RPA3: variants seen among roughly 807,000 people sequenced by gnomAD.
RPA3 encodes the protein replication protein A3, also known as replication protein A 14 kDa subunit.
RPA3 carries 24 observed loss-of-function variants against 13.7 expected under a neutral mutation model. The ratio of observed to expected loss-of-function variants is 1.75; its 90% CI spans 1.27 to 2.46. RPA3 has a LOEUF of 2.46. RPA3 is among the 30% of genes most tolerant of loss of function. The pLI is 0.00. For synonymous variants in RPA3, 59 were observed against 51.2 expected, an observed-to-expected ratio of 1.15 and a Z score of -0.65; for missense variants, 183 against 151.0, an observed-to-expected ratio of 1.21 and a Z score of -1.11.
intron 4 of RPA3, among the ~76,000 whole-genome samples, chr7:7,682,102 G>C (rs1779927418): frequency 6.6e-6 from 1 of 152,146 alleles, no homozygotes; most frequent in Non-Finnish European, 1.5e-5. Context: ...TAAAGGAATT[G>C]GGTTACAGTA....
intron 2 of RPA3, among the ~76,000 whole-genome samples, chr7:7,714,086 T>C (rs1780832313): frequency 6.6e-6 from 1 of 152,266 alleles, no homozygotes; most frequent in Admixed American, 6.5e-5. Flanking sequence ...TTGTGTGTTA[T>C]CTTTTTGATG....
chr7:7,646,400 T>G (rs561757658), intron 4 of RPA3, among the ~76,000 whole-genome samples: 32 of 151,864 alleles, frequency 2.1e-4, no homozygotes, highest in African/African-American at 7.2e-4. Context: ...ATGGGGACAG[T>G]TTCCCCCATA....
chr7:7,680,988 T>C (rs951702792), intron 4 of RPA3, among the ~76,000 whole-genome samples: 1 of 152,160 alleles, frequency 6.6e-6, no homozygotes, highest in East Asian at 1.9e-4. Context: ...CATAACTTTT[T>C]TTGTGGCATC....
At chr7:7,660,028 T>A (rs1403044868) in intron 4 of RPA3, among the ~76,000 whole-genome samples, 1 of 152,240 alleles carries the variant, frequency 6.6e-6, no homozygotes, top group African/African-American at 2.4e-5. Context: ...GCTCTTCTTG[T>A]TGCATTGATC....
intron 2 of RPA3, among the ~76,000 whole-genome samples, chr7:7,700,775 C>G (rs963904446): frequency 6.6e-6 from 1 of 152,112 alleles, no homozygotes; most frequent in Admixed American, 6.6e-5. Context: ...GTAATCAAAG[C>G]TACTCGGGAG....
At chr7:7,679,779 A>C (rs1001265184) in intron 4 of RPA3, among the ~76,000 whole-genome samples, 1 of 149,840 alleles carries the variant, frequency 6.7e-6, no homozygotes, top group Admixed American at 6.7e-5. Context: ...TACTCAGGCC[A>C]CTTTCGAACT....
At chr7:7,705,074 A>G (rs1448490747) in intron 2 of RPA3, among the ~76,000 whole-genome samples, 1 of 152,122 alleles carries the variant, frequency 6.6e-6, no homozygotes, top group Non-Finnish European at 1.5e-5. Context: ...TGGCATTGTT[A>G]TTATTCTGAA....
At chr7:7,652,232 C>G (rs1785239214) in intron 4 of RPA3, among the ~76,000 whole-genome samples, 1 of 152,172 alleles carries the variant, frequency 6.6e-6, no homozygotes. Flanking sequence ...GCCATTTATT[C>G]ATTCCTTTGA....
intron 4 of RPA3, among the ~76,000 whole-genome samples, chr7:7,683,598 C>T (rs972156851): frequency 5.3e-5 from 8 of 151,994 alleles, no homozygotes; most frequent in African/African-American, 1.4e-4. Flanking sequence ...CATACATGAT[C>T]CTATGAAATG....
At chr7:7,687,872 A>G (rs1780076928) in intron 2 of RPA3, among the ~76,000 whole-genome samples, 1 of 152,222 alleles carries the variant, frequency 6.6e-6, no homozygotes, top group Non-Finnish European at 1.5e-5. Context: ...TAAGCTGTAA[A>G]TTTATGGAAC....
intron 2 of RPA3, among the ~76,000 whole-genome samples, chr7:7,688,367 C>CT (rs1780088455): frequency 6.6e-6 from 1 of 151,968 alleles, no homozygotes; most frequent in Non-Finnish European, 1.5e-5. Flanking sequence ...ATGTGAGAAC[C>CT]TTTTTACTTG....
chr7:7,648,588 C>A (rs1400183705), intron 4 of RPA3, among the ~76,000 whole-genome samples: 2 of 152,192 alleles, frequency 1.3e-5, no homozygotes, highest in African/African-American at 4.8e-5. Flanking sequence ...AATTGGCTCA[C>A]TCCTGTAATC....
intron 2 of RPA3, among the ~76,000 whole-genome samples, chr7:7,707,915 G>T (rs1226295913): frequency 2.0e-5 from 3 of 152,158 alleles, no homozygotes; most frequent in Admixed American, 2.0e-4. Flanking sequence ...ATGCCTTGTT[G>T]CCCAGACAGT....
At chr7:7,651,556 A>G (rs774893651) in intron 4 of RPA3, among the ~76,000 whole-genome samples, 22 of 152,086 alleles carry the variant, frequency 1.4e-4, no homozygotes, top group Non-Finnish European at 2.1e-4. Context: ...GTATTTTTCC[A>G]TCCTCATGTT....
intron 2 of RPA3, among the ~76,000 whole-genome samples, chr7:7,708,374 T>C (rs1780658196): frequency 6.6e-6 from 1 of 152,194 alleles, no homozygotes; most frequent in Non-Finnish European, 1.5e-5. Flanking sequence ...TTTAGTTTTG[T>C]AGAGAGATAT....
chr7:7,667,633 T>C (rs1207435241), intron 4 of RPA3, among the ~76,000 whole-genome samples: 2 of 152,208 alleles, frequency 1.3e-5, no homozygotes, highest in Non-Finnish European at 2.9e-5. Context: ...AAGGTCTTCA[T>C]AGATGTTGTG....
chr7:7,666,767 A>G (rs1779469414), intron 4 of RPA3, among the ~76,000 whole-genome samples: 1 of 151,760 alleles, frequency 6.6e-6, no homozygotes. Context: ...ATTTCCAGGA[A>G]TTTTCTCCCA....
At position 7,678,092 on chromosome 7, in the gene RPA3, G is replaced by A. The variant is rs1031694632; in HGVS notation, c.-758+7738C>T. Among the ~76,000 whole-genome samples, 3 of 152,068 alleles carry A rather than the reference G, an allele frequency of 2.0e-5. No homozygotes were observed. The East Asian group carries it at 5.8e-4, about 29-fold the overall frequency. On this transcript the variant is annotated intron_variant, in intron 4 of 7. Transcript: ENST00000223129. ...TTTGATATGCTGATTTCTTCTTTTG[G>A]GTATGTACCCAGCAATAGAATTGCT...
chr7:7,650,046 T>C (rs1445456446), intron 4 of RPA3, among the ~76,000 whole-genome samples: 1 of 152,240 alleles, frequency 6.6e-6, no homozygotes, highest in Non-Finnish European at 1.5e-5. Context: ...TATTTTGTTA[T>C]AGCAGCATGG....
Sources: gnomAD v4.1 joint callset for allele counts (sites outside exome capture counted in the v4.1 genomes callset) on GRCh38, gnomAD v4.1.1 for gene constraint, MANE v1.5 for transcripts, NCBI Gene and HGNC (gene_info 2026-07-23, HGNC 2026-07-21) for gene names.